The following GRM3 variants were observed in gnomAD, a reference collection of about 807,000 sequenced individuals.
GRM3 encodes metabotropic glutamate receptor 3.
Under a neutral mutation model 70.5 loss-of-function variants are expected in GRM3, and 26 were observed. The ratio of observed to expected loss-of-function variants is 0.37; its 90% CI spans 0.27 to 0.51. GRM3 has a LOEUF of 0.51. Ranked by LOEUF, GRM3 falls within the 20% of genes least tolerant of loss-of-function variation. GRM3 has a pLI of 0.93. For synonymous variants in GRM3, 443 were observed against 434.9 expected (o/e 1.02, Z -0.23); for missense variants, 859 against 1,123.8 (o/e 0.76, Z 3.37).
At chr7:86,822,674 C>A (rs556319733) in intron 3 of GRM3, among the ~76,000 whole-genome samples, 1 of 152,244 alleles carries the variant, frequency 6.6e-6, no homozygotes, top group South Asian at 2.1e-4. Flanking sequence ...GAAATTCATA[C>A]TTTGTGATAC....
chr7:86,742,067 C>G (rs2116324566), intron 1 of GRM3, among the ~76,000 whole-genome samples: 1 of 152,268 alleles, frequency 6.6e-6, no homozygotes, highest in African/African-American at 2.4e-5. Flanking sequence ...TGGGGCAGCT[C>G]AAGACTGGTG....
chr7:86,696,173 G>A (rs1452310474), intron 1 of GRM3, among the ~76,000 whole-genome samples: 3 of 152,152 alleles, frequency 2.0e-5, no homozygotes, highest in South Asian at 4.1e-4. Flanking sequence ...TATAAAAGAT[G>A]TTCACCTCCA....
intron 1 of GRM3, among the ~76,000 whole-genome samples, chr7:86,658,043 AC>A (rs2115820814): frequency 6.6e-6 from 1 of 152,310 alleles, no homozygotes; most frequent in East Asian, 1.9e-4. Flanking sequence ...AATAAGACTT[AC>A]AAAACAAATC....
chr7:86,846,128 C>A (rs759799843), intron 4 of GRM3, among the ~76,000 whole-genome samples: 2 of 152,146 alleles, frequency 1.3e-5, no homozygotes, highest in African/African-American at 4.8e-5. Flanking sequence ...CTTTCTCATT[C>A]TTTGTCAACA....
intron 2 of GRM3, among the ~76,000 whole-genome samples, chr7:86,777,350 G>T (rs1283181025): frequency 6.6e-6 from 1 of 152,164 alleles, no homozygotes; most frequent in Non-Finnish European, 1.5e-5. Context: ...AGAGACTTGG[G>T]ATGGAAAGCA....
chr7:86,644,797 GA>G lies in GRM3; in HGVS notation c.-215del. 7.8e-7 allele frequency: 1 copy of G among 1,289,692 alleles called. No homozygotes were observed. Among genetic ancestry groups the G allele is most frequent in the Non-Finnish European group, 1.0e-6 (1 of 988,752 alleles). The allele number at this position is 1,289,692 out of a possible 1,614,324, so 79.9% of individuals were successfully genotyped here. A position where few individuals can be genotyped will look rare whatever the true frequency, so the allele number is the denominator to read the frequency against. On this transcript the variant is annotated 5_prime_UTR_variant, in exon 1 of 6. An upstream open reading frame in the 5' UTR loses its in-frame stop. Coordinates refer to ENST00000361669, the MANE Select transcript of GRM3 (RefSeq NM_000840.3). ...GATGAGGAGGACCAACCATGAGCCA[GA>G]GCCCGGGTGCAGGCTCACCGCCGCC...
chr7:86,856,700 T>C (rs967889982), intron 5 of GRM3, among the ~76,000 whole-genome samples: 2 of 152,172 alleles, frequency 1.3e-5, no homozygotes, highest in African/African-American at 2.4e-5. Flanking sequence ...CCAGCTACAA[T>C]AGGTAACTCT....
chr7:86,661,861 T>C (rs802420), intron 1 of GRM3, among the ~76,000 whole-genome samples: 106,781 of 151,716 alleles, frequency 0.7, 38,140 homozygotes, highest in East Asian at 0.88. Context: ...GATTTACTAT[T>C]TATTATAATT....
At chr7:86,696,033 C>T (rs1794807231) in intron 1 of GRM3, among the ~76,000 whole-genome samples, 1 of 152,164 alleles carries the variant, frequency 6.6e-6, no homozygotes, top group African/African-American at 2.4e-5. Context: ...AGGTGGCTAA[C>T]CAATTCTTTC....
At chr7:86,749,545 G>T (rs1796182233) in intron 1 of GRM3, among the ~76,000 whole-genome samples, 2 of 152,060 alleles carry the variant, frequency 1.3e-5, no homozygotes, top group Admixed American at 1.3e-4. Flanking sequence ...TGATGAGAAG[G>T]CTAATGGATG....
intron 3 of GRM3, among the ~76,000 whole-genome samples, chr7:86,799,821 G>T (rs1359961199): frequency 6.6e-6 from 1 of 152,162 alleles, no homozygotes; most frequent in African/African-American, 2.4e-5. Flanking sequence ...GAGCCACCAT[G>T]CCTGGCCAAT....
intron 1 of GRM3, among the ~76,000 whole-genome samples, chr7:86,752,801 G>C (rs373504943): frequency 5.9e-5 from 9 of 152,138 alleles, no homozygotes; most frequent in African/African-American, 2.2e-4. Flanking sequence ...GACATTAGGG[G>C]TCAGTTAATG....
chr7:86,758,850 A>G (rs1185171897), intron 1 of GRM3, among the ~76,000 whole-genome samples: 1 of 152,080 alleles, frequency 6.6e-6, no homozygotes, highest in Non-Finnish European at 1.5e-5. Context: ...TTTTGGCCTC[A>G]TCACCATCCG....
chr7:86,828,529 C>T (rs965872699), intron 3 of GRM3, among the ~76,000 whole-genome samples: 3 of 152,200 alleles, frequency 2.0e-5, no homozygotes, highest in Admixed American at 2.0e-4. Context: ...TATATTTACA[C>T]TATACTGTAG....
intron 3 of GRM3, among the ~76,000 whole-genome samples, chr7:86,836,792 T>G (rs1798465665): frequency 6.6e-6 from 1 of 152,202 alleles, no homozygotes; most frequent in South Asian, 2.1e-4. Context: ...ATGATTTATC[T>G]CATCAAATCG....
rs1285792519 is a variant in GRM3, at chr7:86,842,377, C to T, written c.2391+2472C>T. Among the ~76,000 whole-genome samples, 3 of 152,164 alleles carry T rather than the reference C, an allele frequency of 2.0e-5. No individual in the cohort carries two copies. In the East Asian group the frequency reaches 5.8e-4, roughly 29 times the overall value. ...AAAAACGTAAGCCCAAATTCCCATA[C>T]TCAACAATTAGCTGGACCTGAGTAG... is the stretch of plus-strand genomic sequence containing the variant. On this transcript the variant is annotated intron_variant, in intron 4 of 5. Coordinates refer to ENST00000361669, the MANE Select transcript of GRM3 (RefSeq NM_000840.3).
At chr7:86,805,465 A>G (rs961924002) in intron 3 of GRM3, among the ~76,000 whole-genome samples, 1 of 152,186 alleles carries the variant, frequency 6.6e-6, no homozygotes, top group Non-Finnish European at 1.5e-5. Context: ...CATGTTTTAC[A>G]TTAGGGTTCA....
At chr7:86,777,468 A>T (rs2116484134) in intron 2 of GRM3, among the ~76,000 whole-genome samples, 1 of 152,270 alleles carries the variant, frequency 6.6e-6, no homozygotes, top group South Asian at 2.1e-4. Context: ...GAATGGTGAT[A>T]ACCAATATGG....
intron 3 of GRM3, among the ~76,000 whole-genome samples, chr7:86,822,864 C>T (rs1798149400): frequency 6.6e-6 from 1 of 152,126 alleles, no homozygotes; most frequent in African/African-American, 2.4e-5. Flanking sequence ...TAAGAACTAA[C>T]CCCTATTCAG....
Sources: gnomAD v4.1 joint callset for allele counts (sites outside exome capture counted in the v4.1 genomes callset) on GRCh38, gnomAD v4.1.1 for gene constraint, MANE v1.5 for transcripts, NCBI Gene and HGNC (gene_info 2026-07-23, HGNC 2026-07-21) for gene names.